The following ZWILCH variants were observed in gnomAD, a reference collection of about 807,000 sequenced individuals.
ZWILCH encodes the protein protein zwilch homolog.
ZWILCH carries 74 observed loss-of-function variants against 79.9 expected under a neutral mutation model. The observed-to-expected ratio is 0.93, with a 90% CI of 0.77 to 1.12. ZWILCH has a LOEUF of 1.12. Among genes scored for constraint, ZWILCH ranks in the 50% most tolerant of loss-of-function variants. The probability of loss-of-function intolerance (pLI) is 0.00; values close to 1 mark genes in which losing one functional copy is unlikely to be tolerated. For missense variants in ZWILCH, 694 were observed against 687.5 expected (o/e 1.01, Z -0.11); for synonymous variants, 241 against 228.2 (o/e 1.06, Z -0.51).
At chr15:66,543,462 A>G (rs1180317355) in intron 17 of ZWILCH, among the ~76,000 whole-genome samples, 2 of 152,154 alleles carry the variant, frequency 1.3e-5, no homozygotes, top group Admixed American at 6.6e-5. Flanking sequence ...TTAAGGTTCT[A>G]TTGCCTAAGC....
chr15:66,546,800 A>G (rs560320155), intron 18 of ZWILCH, 95 bp downstream of exon 18: 65 of 548,264 alleles, frequency 1.2e-4, no homozygotes, highest in African/African-American at 3.1e-4. Flanking sequence ...GATTTGCTAC[A>G]TTAGGAATAG....
chr15:66,535,902 T>C lies in ZWILCH; in HGVS notation c.1342-31T>C, dbSNP rs779226654. 2.0e-4 allele frequency: 310 copies of C among 1,575,842 alleles called. 2 individuals are homozygous for C. Among genetic ancestry groups the C allele is most frequent in the Non-Finnish European group, 2.4e-5 (28 of 1,166,820 alleles). On this transcript the variant is annotated intron_variant, in intron 14 of 18. Coordinates refer to ENST00000307897, the MANE Select transcript of ZWILCH (RefSeq NM_017975.5). ...ACAAAGGTTACACAGGTGCTTTAAA[T>C]CTCTATTTTGCTTATATTTTTTCAT...
At chr15:66,537,113 A>G in intron 15 of ZWILCH, 55 bp from the exon 16 acceptor site, 1 of 1,427,398 alleles carries the variant, frequency 7.0e-7, no homozygotes. Flanking sequence ...CTACCAGAAA[A>G]ACGTTATGTC....
At chr15:66,525,349 A>T (rs1894635073) in intron 8 of ZWILCH, among the ~76,000 whole-genome samples, 1 of 152,200 alleles carries the variant, frequency 6.6e-6, no homozygotes, top group East Asian at 1.9e-4. Context: ...TGTCTAATTC[A>T]AGTCTCCCTT....
Position 66,521,136 on chromosome 15 carries a change from T to G in ZWILCH, c.678T>G (p.Ala226=), listed in dbSNP as rs1343090467. 1.9e-6 allele frequency: 3 copies of G among 1,614,126 alleles called. No homozygotes were observed. The South Asian group carries it at 3.3e-5, about 18-fold the overall frequency. The change falls in exon 7 of 19, where the codon GCT becomes GCG. Residue 226 remains alanine (A), a synonymous_variant. Transcript: ENST00000307897. ...DTITASQTAI[A]LDISWSPVDE... is the part of the protein sequence containing the mutation. ...TCACAGCATCACAAACTGCGATCGCTTTGGATATTTCCTGGAGTCCTGTGG... is the reference window on the plus strand; with the variant it reads ...TCACAGCATCACAAACTGCGATCGCGTTGGATATTTCCTGGAGTCCTGTGG...
chr15:66,545,610 T>C (rs1895345209), intron 17 of ZWILCH, among the ~76,000 whole-genome samples: 1 of 152,210 alleles, frequency 6.6e-6, no homozygotes, highest in South Asian at 2.1e-4. Flanking sequence ...ATCATATATT[T>C]ATGTGCTTAG....
chr15:66,510,835 C>T (rs557480264), intron 2 of ZWILCH, among the ~76,000 whole-genome samples: 4 of 152,290 alleles, frequency 2.6e-5, no homozygotes, highest in South Asian at 2.1e-4. Flanking sequence ...TCTGTAGACA[C>T]GTGGTATTCC....
chr15:66,546,493 C>G (rs1895373594), intron 17 of ZWILCH, 98 bp from the exon 18 acceptor site: 1 of 617,646 alleles, frequency 1.6e-6, no homozygotes, highest in Admixed American at 3.1e-5. Context: ...CCATTTAGAC[C>G]ACCTCTTAGT....
chr15:66,544,856 G>T (rs1036041771), intron 17 of ZWILCH, among the ~76,000 whole-genome samples: 1 of 151,144 alleles, frequency 6.6e-6, no homozygotes, highest in Admixed American at 6.6e-5. Flanking sequence ...CTATTCTCCT[G>T]CCTCAGCCTC....
intron 7 of ZWILCH, among the ~76,000 whole-genome samples, chr15:66,523,198 A>G (rs929107490): frequency 2.7e-4 from 41 of 152,050 alleles, no homozygotes; most frequent in African/African-American, 8.9e-4. Flanking sequence ...TTCTTTTTTT[A>G]TGTTTGCAAT....
chr15:66,535,402 G>A (rs4392012), intron 14 of ZWILCH, among the ~76,000 whole-genome samples: 40,822 of 152,040 alleles, frequency 0.27, 5,540 homozygotes, highest in East Asian at 0.39. Flanking sequence ...TAGGCCGGGC[G>A]CGGTGGTTTA....
Position 66,517,430 on chromosome 15 carries a change from G to GTGTGTGTGTATATATATATA in ZWILCH, c.321-1448_321-1447insGTGTGTGTATATATATATAT. ...TGTTTGTGTGTGCGTGTGTGTGTGT[G>GTGTGTGTGTATATATATATA]TATATATATATATATATATATATAT... On this transcript the variant is annotated intron_variant, in intron 4 of 18. Coordinates refer to ENST00000307897, the MANE Select transcript of ZWILCH (RefSeq NM_017975.5). Among the ~76,000 whole-genome samples, 248 of 66,478 alleles carry GTGTGTGTGTATATATATATA rather than the reference G, an allele frequency of 3.7e-3. 3 individuals are homozygous for GTGTGTGTGTATATATATATA. The highest frequency in any genetic ancestry group is 0.011 in the African/African-American group (179 of 16,314). The allele number at this position is 66,478 out of a possible 152,430, so 43.6% of individuals were successfully genotyped here. A position where few individuals can be genotyped will look rare whatever the true frequency, so the allele number is the denominator to read the frequency against.
At chr15:66,525,178 G>T (rs1894628447) in intron 8 of ZWILCH, among the ~76,000 whole-genome samples, 1 of 152,138 alleles carries the variant, frequency 6.6e-6, no homozygotes, top group African/African-American at 2.4e-5. Flanking sequence ...TTTCACTTTA[G>T]TAAGAACTGT....
intron 4 of ZWILCH, among the ~76,000 whole-genome samples, chr15:66,517,334 A>G (rs1243292466): frequency 6.7e-6 from 1 of 150,352 alleles, no homozygotes; most frequent in East Asian, 1.9e-4. Flanking sequence ...ATATATAGTT[A>G]TATATGTATA....
At chr15:66,526,086 C>G (rs1196867419) in intron 8 of ZWILCH, among the ~76,000 whole-genome samples, 4 of 151,996 alleles carry the variant, frequency 2.6e-5, no homozygotes, top group African/African-American at 4.8e-5. Context: ...TTCTAAAGAC[C>G]TCCCCCCGGG....
intron 3 of ZWILCH, among the ~76,000 whole-genome samples, chr15:66,515,118 C>T (rs534949007): frequency 0.013 from 1,803 of 135,008 alleles, 30 homozygotes; most frequent in African/African-American, 0.043. Context: ...TTTTTTTTTT[C>T]TTTTCTTTTT....
chr15:66,519,517 C>T (rs560686802), intron 5 of ZWILCH, among the ~76,000 whole-genome samples: 12 of 152,296 alleles, frequency 7.9e-5, no homozygotes, highest in South Asian at 2.1e-4. Flanking sequence ...TGCAGTGGCG[C>T]GATCTCGGCT....
intron 15 of ZWILCH, 100 bp downstream of exon 15, chr15:66,536,169 C>A: frequency 9.7e-7 from 1 of 1,030,736 alleles, no homozygotes. Flanking sequence ...AGGATAGAAC[C>A]TCTTCATCCT....
At chr15:66,517,417 CGT>C (rs141565295) in intron 4 of ZWILCH, among the ~76,000 whole-genome samples, 4 of 80,782 alleles carry the variant, frequency 5.0e-5, no homozygotes, top group Non-Finnish European at 9.5e-5. Context: ...TTTGTGTGTG[CGT>C]GTGTGTGTGT....
Sources: gnomAD v4.1 joint callset for allele counts (sites outside exome capture counted in the v4.1 genomes callset) on GRCh38, gnomAD v4.1.1 for gene constraint, MANE v1.5 for transcripts, NCBI Gene and HGNC (gene_info 2026-07-23, HGNC 2026-07-21) for gene names.